ROBO2: variants seen among roughly 807,000 people sequenced by gnomAD.
ROBO2 encodes roundabout guidance receptor 2.
ROBO2 carries 53 observed loss-of-function variants against 160.8 expected under a neutral mutation model. The observed-to-expected ratio is 0.33, with a 90% CI of 0.26 to 0.41. ROBO2 has a LOEUF of 0.41. Ranked by LOEUF, ROBO2 falls within the 10% of genes least tolerant of loss-of-function variation. The pLI, the probability that ROBO2 is intolerant of heterozygous loss-of-function variation, is 1.00. For missense variants in ROBO2, 1,577 were observed against 1,722.4 expected, an observed-to-expected ratio of 0.92 and a Z score of 1.49; for synonymous variants, 664 against 611.7, an observed-to-expected ratio of 1.09 and a Z score of -1.26.
intron 6 of ROBO2, among the ~76,000 whole-genome samples, chr3:77,526,059 G>A (rs1181853602): frequency 6.6e-6 from 1 of 151,252 alleles, no homozygotes; most frequent in African/African-American, 2.4e-5. Context: ...GAAAGAAATC[G>A]TGGTACATTG....
At chr3:76,671,429 G>A (rs541688159) in intron 2 of ROBO2, among the ~76,000 whole-genome samples, 8 of 152,166 alleles carry the variant, frequency 5.3e-5, no homozygotes, top group Admixed American at 2.6e-4. Flanking sequence ...GATTTGAAAA[G>A]CTATTAACTC....
chr3:76,116,412 A>G lies in ROBO2; in HGVS notation c.109+178810A>G, dbSNP rs1243406318. 2.6e-5 allele frequency among the ~76,000 whole-genome samples: 4 copies of G among 152,168 alleles called. No individual in the cohort carries two copies. In the East Asian group the frequency reaches 7.7e-4, roughly 29 times the overall value. On this transcript the variant is annotated intron_variant, in intron 2 of 26. Coordinates refer to the ROBO2 transcript ENST00000487694. The stretch of plus-strand genomic sequence containing the variant: ...ATGTAACTGTTCTAGTCACCCTGCT[A>G]TACCATTTCTGCATGTAATTCTATT...
intron 2 of ROBO2, among the ~76,000 whole-genome samples, chr3:76,864,664 C>A (rs898994533): frequency 1.3e-5 from 2 of 152,024 alleles, no homozygotes; most frequent in Admixed American, 6.6e-5. Flanking sequence ...AAAGAAAAAG[C>A]AGTTTAGCTA....
chr3:76,772,187 T>C (rs1051183886), intron 2 of ROBO2, among the ~76,000 whole-genome samples: 1 of 151,370 alleles, frequency 6.6e-6, no homozygotes, highest in Admixed American at 6.6e-5. Context: ...ATTATATTTT[T>C]AGTTCATGAT....
intron 2 of ROBO2, among the ~76,000 whole-genome samples, chr3:76,697,175 G>A (rs903514898): frequency 3.9e-5 from 6 of 152,118 alleles, no homozygotes; most frequent in African/African-American, 1.4e-4. Context: ...AAATTCATAA[G>A]AGAGCAATAT....
At chr3:76,743,446 G>A (rs1009253898) in intron 2 of ROBO2, among the ~76,000 whole-genome samples, 1 of 152,038 alleles carries the variant, frequency 6.6e-6, no homozygotes, top group African/African-American at 2.4e-5. Context: ...TGTACATCCT[G>A]AATCTGACTT....
chr3:76,759,512 C>G (rs1219510293), intron 2 of ROBO2, among the ~76,000 whole-genome samples: 5 of 151,338 alleles, frequency 3.3e-5, no homozygotes, highest in Admixed American at 2.0e-4. Context: ...AGAAGGTTGG[C>G]GATATGGCAC....
At chr3:76,876,888 G>A (rs1168849901) in intron 2 of ROBO2, among the ~76,000 whole-genome samples, 3 of 152,018 alleles carry the variant, frequency 2.0e-5, no homozygotes, top group Non-Finnish European at 4.4e-5. Flanking sequence ...AAGAACTATT[G>A]CTCTGCCATA....
chr3:77,306,449 G>T (rs1356011739), intron 2 of ROBO2, among the ~76,000 whole-genome samples: 2 of 152,104 alleles, frequency 1.3e-5, no homozygotes, highest in Non-Finnish European at 2.9e-5. Context: ...TTAATTTGAT[G>T]AAATATATCT....
At chr3:76,819,484 C>T (rs916558073) in intron 2 of ROBO2, among the ~76,000 whole-genome samples, 1 of 151,964 alleles carries the variant, frequency 6.6e-6, no homozygotes, top group Admixed American at 6.6e-5. Flanking sequence ...AAAGGGGAAT[C>T]GGAGGCTCTG....
chr3:76,576,044 A>G (rs1161649140), intron 2 of ROBO2, among the ~76,000 whole-genome samples: 2 of 152,044 alleles, frequency 1.3e-5, no homozygotes, highest in African/African-American at 4.8e-5. Context: ...TATTTAGGGG[A>G]ATCTGATTGG....
chr3:77,222,696 G>A (rs759980337), intron 2 of ROBO2, among the ~76,000 whole-genome samples: 1 of 152,072 alleles, frequency 6.6e-6, no homozygotes, highest in Non-Finnish European at 1.5e-5. Context: ...TGTGTTTAAA[G>A]CATTTCTTTT....
At chr3:76,604,027 A>G (rs1164744603) in intron 2 of ROBO2, among the ~76,000 whole-genome samples, 1 of 152,202 alleles carries the variant, frequency 6.6e-6, no homozygotes, top group Non-Finnish European at 1.5e-5. Context: ...GTAAAATAAA[A>G]TTGATTGTAT....
intron 6 of ROBO2, among the ~76,000 whole-genome samples, chr3:77,532,570 C>T (rs1436979858): frequency 6.6e-6 from 1 of 151,582 alleles, no homozygotes; most frequent in East Asian, 1.9e-4. Context: ...TATTGGCTTT[C>T]CTTAGTCTCA....
chr3:77,225,806 G>A (rs1189108587), intron 2 of ROBO2, among the ~76,000 whole-genome samples: 1 of 151,906 alleles, frequency 6.6e-6, no homozygotes, highest in Non-Finnish European at 1.5e-5. Flanking sequence ...ATGTTTAAAA[G>A]CCACAAACAT....
chr3:76,724,057 T>C (rs1038956523), intron 2 of ROBO2, among the ~76,000 whole-genome samples: 8 of 152,330 alleles, frequency 5.3e-5, no homozygotes, highest in Admixed American at 3.9e-4. Flanking sequence ...ATGTAGACAC[T>C]GTGGTCGATT....
chr3:77,541,164 C>T (rs1474163329), intron 6 of ROBO2, among the ~76,000 whole-genome samples: 1 of 152,184 alleles, frequency 6.6e-6, no homozygotes, highest in Non-Finnish European at 1.5e-5. Context: ...TGTATTCACC[C>T]TGTGCCACAT....
At chr3:76,540,519 T>C (rs1207030147) in intron 2 of ROBO2, among the ~76,000 whole-genome samples, 2 of 152,134 alleles carry the variant, frequency 1.3e-5, no homozygotes, top group East Asian at 1.9e-4. Flanking sequence ...ATAAGCAAAA[T>C]TGACAAAATT....
intron 2 of ROBO2, among the ~76,000 whole-genome samples, chr3:77,154,757 TG>T (rs2077844294): frequency 1.3e-5 from 2 of 151,976 alleles, no homozygotes; most frequent in Admixed American, 6.6e-5. Flanking sequence ...AAGTGGATCA[TG>T]GCAGGAACAG....
Sources: allele counts gnomAD v4.1 joint callset (sites outside exome capture counted in the v4.1 genomes callset), GRCh38; gene constraint gnomAD v4.1.1; transcripts MANE v1.5; gene names NCBI Gene and HGNC (gene_info 2026-07-23, HGNC 2026-07-21).